ROBO1: variants seen among roughly 807,000 people sequenced by gnomAD.
ROBO1 encodes roundabout guidance receptor 1.
In ROBO1, 149 loss-of-function variants were observed where a neutral mutation model predicts 195.9. That is an observed-to-expected ratio of 0.76 (90% CI 0.67 to 0.87). The LOEUF is 0.87. Among genes scored for constraint, ROBO1 ranks in the 40% least tolerant of loss-of-function variants. The pLI is 0.00. For synonymous variants in ROBO1, 816 were observed against 733.2 expected, an observed-to-expected ratio of 1.11 and a Z score of -1.82; for missense variants, 1,933 against 2,068.3, an observed-to-expected ratio of 0.93 and a Z score of 1.27.
chr3:79,411,676 A>C (rs2037771359), intron 2 of ROBO1, among the ~76,000 whole-genome samples: 1 of 152,200 alleles, frequency 6.6e-6, no homozygotes, highest in Admixed American at 6.6e-5. Flanking sequence ...CTAAGAGTTA[A>C]CTAGAAAAAG....
At chr3:79,471,946 G>A (rs934662077) in intron 2 of ROBO1, among the ~76,000 whole-genome samples, 1 of 151,162 alleles carries the variant, frequency 6.6e-6, no homozygotes, top group African/African-American at 2.4e-5. Context: ...GGGTTGGGGG[G>A]CTAGGGGAGG....
At chr3:79,577,050 T>C (rs1345637790) in intron 2 of ROBO1, among the ~76,000 whole-genome samples, 2 of 152,222 alleles carry the variant, frequency 1.3e-5, no homozygotes, top group Non-Finnish European at 2.9e-5. Flanking sequence ...TCAATCGTAA[T>C]TTTTGTTTGT....
At chr3:78,799,508 A>AT (rs1205633929) in intron 4 of ROBO1, among the ~76,000 whole-genome samples, 1 of 151,556 alleles carries the variant, frequency 6.6e-6, no homozygotes, top group Non-Finnish European at 1.5e-5. Context: ...TGCCCGGCTA[A>AT]TTTTTTGTAT....
chr3:79,597,021 G>C (rs1218583238), intron 1 of ROBO1, among the ~76,000 whole-genome samples: 1 of 151,918 alleles, frequency 6.6e-6, no homozygotes, highest in Non-Finnish European at 1.5e-5. Flanking sequence ...AGTTTGGTGA[G>C]AAAAAAGAAC....
intron 4 of ROBO1, among the ~76,000 whole-genome samples, chr3:78,792,880 A>G (rs1414301238): frequency 6.6e-6 from 1 of 152,098 alleles, no homozygotes; most frequent in Non-Finnish European, 1.5e-5. Flanking sequence ...TGGGAGGATC[A>G]CTTGTGCTCA....
chr3:79,548,831 T>A (rs1479444825), intron 2 of ROBO1, among the ~76,000 whole-genome samples: 1 of 151,988 alleles, frequency 6.6e-6, no homozygotes, highest in Non-Finnish European at 1.5e-5. Context: ...AGCAGCAGGG[T>A]TTTTGAATCA....
chr3:79,430,051 T>TA (rs1258182595), intron 2 of ROBO1, among the ~76,000 whole-genome samples: 128 of 152,094 alleles, frequency 8.4e-4, no homozygotes, highest in African/African-American at 2.9e-3. Context: ...AGCCATAGTC[T>TA]AACATTTATG....
chr3:79,504,859 A>G (rs915255165), intron 2 of ROBO1, among the ~76,000 whole-genome samples: 2 of 152,088 alleles, frequency 1.3e-5, no homozygotes, highest in East Asian at 1.9e-4. Flanking sequence ...GTATCTTTCT[A>G]TGTGTGTCTG....
chr3:79,161,706 T>C (rs2080969603), intron 2 of ROBO1, among the ~76,000 whole-genome samples: 1 of 152,086 alleles, frequency 6.6e-6, no homozygotes, highest in East Asian at 1.9e-4. Flanking sequence ...ACTTTAAAAA[T>C]CATTTGTGCA....
At chr3:78,713,661 G>GA (rs1236304004) in intron 8 of ROBO1, among the ~76,000 whole-genome samples, 1 of 152,094 alleles carries the variant, frequency 6.6e-6, no homozygotes. Flanking sequence ...TTATGAGAAT[G>GA]AAAAACTTCT....
At chr3:78,954,620 T>C (rs2040948804) in intron 3 of ROBO1, among the ~76,000 whole-genome samples, 1 of 152,038 alleles carries the variant, frequency 6.6e-6, no homozygotes, top group Non-Finnish European at 1.5e-5. Context: ...ATTTGGGTGG[T>C]CCCAGGATTT....
intron 2 of ROBO1, among the ~76,000 whole-genome samples, chr3:79,438,699 CCAT>C (rs767355482): frequency 2.0e-5 from 3 of 152,008 alleles, no homozygotes; most frequent in East Asian, 1.9e-4. Flanking sequence ...AAAATTATCA[CCAT>C]GTGTTGAAGC....
At chr3:78,873,818 A>G (rs554594917) in intron 4 of ROBO1, among the ~76,000 whole-genome samples, 1 of 152,208 alleles carries the variant, frequency 6.6e-6, no homozygotes, top group African/African-American at 2.4e-5. Flanking sequence ...TTTATGCTGG[A>G]AAGTTTACAC....
intron 2 of ROBO1, among the ~76,000 whole-genome samples, chr3:79,467,931 C>T (rs944280366): frequency 6.6e-6 from 1 of 152,184 alleles, no homozygotes; most frequent in African/African-American, 2.4e-5. Context: ...AGTCACACCC[C>T]TGTGGCATAT....
intron 3 of ROBO1, among the ~76,000 whole-genome samples, chr3:79,085,267 T>C (rs553142228): frequency 6.6e-6 from 1 of 152,338 alleles, no homozygotes; most frequent in African/African-American, 2.4e-5. Flanking sequence ...ATTTCTTTAC[T>C]TATTTAATTT....
intron 2 of ROBO1, among the ~76,000 whole-genome samples, chr3:79,566,284 T>A (rs182629769): frequency 1.2e-4 from 18 of 152,272 alleles, no homozygotes; most frequent in Non-Finnish European, 2.5e-4. Flanking sequence ...CTTAGCATCG[T>A]GTGTCTCACA....
intron 1 of ROBO1, among the ~76,000 whole-genome samples, chr3:79,748,470 T>C (rs1050344689): frequency 2.6e-5 from 4 of 152,234 alleles, no homozygotes; most frequent in Non-Finnish European, 5.9e-5. Context: ...CACATTTAAA[T>C]TATGGTGTTT....
chr3:79,341,706 T>G (rs533499426), intron 2 of ROBO1, among the ~76,000 whole-genome samples: 7 of 152,302 alleles, frequency 4.6e-5, no homozygotes, highest in Admixed American at 3.9e-4. Flanking sequence ...CATACTTATA[T>G]TAAACGTTTA....
chr3:78,793,968 C>T (rs1483196852), intron 4 of ROBO1, among the ~76,000 whole-genome samples: 1 of 151,866 alleles, frequency 6.6e-6, no homozygotes, highest in Non-Finnish European at 1.5e-5. Context: ...ACTAGATCCT[C>T]ATCTAAAAAA....
Sources: allele counts gnomAD v4.1 joint callset (sites outside exome capture counted in the v4.1 genomes callset), GRCh38; gene constraint gnomAD v4.1.1; transcripts MANE v1.5; gene names NCBI Gene and HGNC (gene_info 2026-07-23, HGNC 2026-07-21).